The following CPLANE1 variants were observed in gnomAD, a reference collection of about 807,000 sequenced individuals.
The protein encoded by CPLANE1 is ciliogenesis and planar polarity effector complex subunit 1.
Under a neutral mutation model 362.5 loss-of-function variants are expected in CPLANE1, and 263 were observed. The observed-to-expected ratio is 0.73, with a 90% CI of 0.66 to 0.80. The LOEUF (loss-of-function observed/expected upper bound fraction) is 0.80. Ranked by LOEUF, CPLANE1 falls within the 30% of genes least tolerant of loss-of-function variation. The probability of loss-of-function intolerance (pLI) is 0.00; values close to 1 mark genes in which losing one functional copy is unlikely to be tolerated. For synonymous variants in CPLANE1, 1,212 were observed against 1,302.6 expected (o/e 0.93, Z 1.50); for missense variants, 3,461 against 3,793.4 (o/e 0.91, Z 2.30).
intron 51 of CPLANE1, 146 bp from the exon 52 acceptor site, chr5:37,108,617 T>C (rs1758237151): frequency 2.7e-6 from 2 of 754,148 alleles, no homozygotes; most frequent in African/African-American, 1.8e-5. Flanking sequence ...TGGTTCACTT[T>C]AGAGTTCGAA....
rs1580477876 is a variant in CPLANE1, at chr5:37,180,789, C to T, written c.5570+68G>A. 4 of 1,465,616 alleles carry T rather than the reference C, an allele frequency of 2.7e-6. No homozygotes were observed. The East Asian group carries it at 9.2e-5, about 34-fold the overall frequency. 90.8% of individuals were successfully genotyped at this position (1,465,616 alleles called of 1,614,324 possible). On this transcript the variant is annotated intron_variant, in intron 27 of 52. Transcript: ENST00000651892. ...TTTAACTTTCAAGGGTTTGATCTTCCCTTTAAGCCCAAATGCCATCAAACT... is the reference window on the plus strand; with the variant it reads ...TTTAACTTTCAAGGGTTTGATCTTCTCTTTAAGCCCAAATGCCATCAAACT...
intron 51 of CPLANE1, among the ~76,000 whole-genome samples, chr5:37,114,677 A>G (rs1229331335): frequency 6.6e-6 from 1 of 152,146 alleles, no homozygotes. Context: ...AGATGGGCGG[A>G]TCACCTTAGG....
chr5:37,093,498 A>C, the CPLANE1 span, among the ~76,000 whole-genome samples: 2 of 150,554 alleles, frequency 1.3e-5, no homozygotes, highest in Admixed American at 6.6e-5. Flanking sequence ...GAATCCCTTC[A>C]CACTATAGAT....
intron 35 of CPLANE1, among the ~76,000 whole-genome samples, chr5:37,166,259 A>C (rs367602767): frequency 4.6e-5 from 7 of 152,346 alleles, no homozygotes; most frequent in African/African-American, 1.7e-4. Context: ...GCTCTTCACT[A>C]GAAGTCACAG....
chr5:37,230,222 A>T (rs1328471621), intron 9 of CPLANE1, among the ~76,000 whole-genome samples: 6 of 144,704 alleles, frequency 4.1e-5, no homozygotes, highest in Non-Finnish European at 3.1e-5. Flanking sequence ...TTAAAAATTG[A>T]AAAAAAAAAA....
At chr5:37,200,482 T>C (rs955596855) in intron 19 of CPLANE1, among the ~76,000 whole-genome samples, 1 of 152,134 alleles carries the variant, frequency 6.6e-6, no homozygotes, top group Non-Finnish European at 1.5e-5. Flanking sequence ...CTTCCATTTG[T>C]AAAATCAACA....
Position 37,206,334 on chromosome 5 carries a change from A to G in CPLANE1, c.3012T>C (p.Tyr1004=), listed in dbSNP as rs546670307. The G allele has an allele frequency of 7.6e-5, 118 of 1,551,612 alleles. No individual in the cohort carries two copies. In the African/African-American group the frequency reaches 1.5e-3, roughly 20 times the overall value. ...CACCAATAAATAGTAATTCAAGTGC[A>G]TATTCAACTGTCCACACATTAGAGA... ...QNLSNVWTVE[Y]ALELLFIGGL... The change falls in exon 17 of 53, where the codon TAT becomes TAC. Residue 1004 remains tyrosine (Y), a synonymous_variant. Coordinates refer to ENST00000651892, the MANE Select transcript of CPLANE1 (RefSeq NM_001384732.1).
rs540689605 is a variant in CPLANE1, at chr5:37,182,624, G to A, written c.5421+136C>T. 65 of 631,080 alleles carry A rather than the reference G, an allele frequency of 1.0e-4. No individual in the cohort carries two copies. In the African/African-American group the frequency reaches 1.1e-3, roughly 11 times the overall value. 39.1% of individuals were successfully genotyped at this position (631,080 alleles called of 1,614,324 possible). Reference sequence around the variant, plus strand: ...AGGAACCACTGGAAGAAAAAAATAGGAGATACTGATTATAATCAACATTGT... The same window carrying A: ...AGGAACCACTGGAAGAAAAAAATAGAAGATACTGATTATAATCAACATTGT... On this transcript the variant is annotated intron_variant, in intron 26 of 52. Transcript: ENST00000651892.
chr5:37,153,093 C>T (rs1054377433), intron 42 of CPLANE1, among the ~76,000 whole-genome samples: 2 of 152,004 alleles, frequency 1.3e-5, no homozygotes, highest in Non-Finnish European at 1.5e-5. Context: ...TCATGTATTT[C>T]TTTTCTTGGT....
rs1202341886 is a variant in CPLANE1 at position 37,182,763 on chromosome 5, AATAAT to A, written c.5413_5417del (p.Ile1805Ter). ...AATAAACAATTGATATGCTTACCTT[AATAAT>A]GGCATTTTTTGCCTTATATGTAGCA... is the stretch of plus-strand genomic sequence containing the variant. On this transcript the variant is annotated frameshift_variant, in exon 26 of 53. Coordinates refer to ENST00000651892, the MANE Select transcript of CPLANE1 (RefSeq NM_001384732.1). The A allele has an allele frequency of 4.4e-6, 7 of 1,589,460 alleles. No individual in the cohort carries two copies. Among genetic ancestry groups the A allele is most frequent in the Non-Finnish European group, 6.0e-6 (7 of 1,162,390 alleles).
chr5:37,211,812 C>A, intron 16 of CPLANE1: 1 of 806,322 alleles, frequency 1.2e-6, no homozygotes, highest in Non-Finnish European at 2.3e-6. Context: ...TGCGGACAAG[C>A]TAGCTTTTAA....
At chr5:37,215,739 C>CTTTTTTT (rs567527656) in intron 15 of CPLANE1, among the ~76,000 whole-genome samples, 91 of 95,170 alleles carry the variant, frequency 9.6e-4, no homozygotes, top group Non-Finnish European at 1.2e-3. Context: ...CTTCTCTTTC[C>CTTTTTTT]TTTTTTTTTT....
At chr5:37,109,747 C>A (rs1329829787) in intron 51 of CPLANE1, among the ~76,000 whole-genome samples, 3 of 152,200 alleles carry the variant, frequency 2.0e-5, no homozygotes, top group African/African-American at 7.2e-5. Context: ...ACCTCTGCCT[C>A]CCGGATTCAA....
the CPLANE1 span, among the ~76,000 whole-genome samples, chr5:37,082,576 A>G: frequency 5.3e-5 from 8 of 152,216 alleles, no homozygotes; most frequent in African/African-American, 1.7e-4. Flanking sequence ...CATCACTAGG[A>G]AAGGATAATC....
Position 37,157,838 on chromosome 5 carries a change from T to A in CPLANE1, c.7843A>T (p.Ile2615Phe), listed in dbSNP as rs1448971369. The A allele has an allele frequency of 1.2e-6, 2 of 1,605,722 alleles. No homozygotes were observed. Among genetic ancestry groups the A allele is most frequent in the Non-Finnish European group, 1.7e-6 (2 of 1,177,482 alleles). ...TCCTGTAGAAGATCATTAGCTTCAA[T>A]GTCAATCACATTTATATAAGTATGT... Reference protein sequence around the residue: ...VGHTYINVIDIEANDLLQELP... With the variant: ...VGHTYINVIDFEANDLLQELP... Residue 2615 changes from isoleucine to phenylalanine, a missense_variant, in exon 40 of 53, where the codon ATT (isoleucine) becomes TTT (phenylalanine). By Grantham distance (21) the Ile-to-Phe change is conservative. This residue lies in a region of CPLANE1 where 3,380 missense variants were observed against 3,666.1 expected (regional missense o/e 0.92). Coordinates refer to ENST00000651892, the MANE Select transcript of CPLANE1 (RefSeq NM_001384732.1).
At chr5:37,133,125 T>C (rs535193550) in intron 46 of CPLANE1, among the ~76,000 whole-genome samples, 5 of 152,326 alleles carry the variant, frequency 3.3e-5, no homozygotes, top group Admixed American at 2.0e-4. Context: ...TCTGTTCCAT[T>C]GGTCTGTATG....
chr5:37,136,759 C>A (rs562897479), intron 46 of CPLANE1, among the ~76,000 whole-genome samples: 1 of 152,372 alleles, frequency 6.6e-6, no homozygotes, highest in African/African-American at 2.4e-5. Context: ...CACGTGGAGG[C>A]TGCCAAGGCT....
chr5:37,130,930 C>T (rs1252998791), intron 46 of CPLANE1, among the ~76,000 whole-genome samples: 1 of 152,182 alleles, frequency 6.6e-6, no homozygotes, highest in African/African-American at 2.4e-5. Context: ...ACAGAAGGCA[C>T]TTCACCAAAT....
At chr5:37,185,274 G>T (rs1196748590) in intron 24 of CPLANE1, among the ~76,000 whole-genome samples, 195 bp from the exon 25 acceptor site, 1 of 151,900 alleles carries the variant, frequency 6.6e-6, no homozygotes, top group African/African-American at 2.4e-5. Context: ...AGAAGCTAAA[G>T]AAGGTCCATT....
Sources: gnomAD v4.1 joint callset for allele counts (sites outside exome capture counted in the v4.1 genomes callset) on GRCh38, gnomAD v4.1.1 for gene constraint, gnomAD v4.1.1 regional missense constraint, MANE v1.5 for transcripts, NCBI Gene and HGNC (gene_info 2026-07-23, HGNC 2026-07-21) for gene names.